TRMT11: variants seen among roughly 807,000 people sequenced by gnomAD.
TRMT11 encodes tRNA methyltransferase 11, also known as tRNA (guanine(10)-N(2))-methyltransferase TRMT11.
A neutral mutation model predicts 62.8 loss-of-function variants in TRMT11; 53 were observed. That is an observed-to-expected ratio of 0.84 (90% CI 0.68 to 1.06). The LOEUF is 1.06. TRMT11 is among the 50% of genes least tolerant of loss of function. The pLI, the probability that TRMT11 is intolerant of heterozygous loss-of-function variation, is 0.00. For missense variants in TRMT11, 556 were observed against 553.4 expected (o/e 1.00, Z -0.05); for synonymous variants, 188 against 190.3 (o/e 0.99, Z 0.10).
chr6:126,070,222 C>T (rs1281476827), intron 17 of TRMT11, among the ~76,000 whole-genome samples: 2 of 152,110 alleles, frequency 1.3e-5, no homozygotes, highest in Non-Finnish European at 2.9e-5. Flanking sequence ...TTCTGGGACT[C>T]CCATATCAGG....
At chr6:126,067,197 CTCAAA>C (rs1776718578) in intron 17 of TRMT11, among the ~76,000 whole-genome samples, 5 of 138,400 alleles carry the variant, frequency 3.6e-5, no homozygotes, top group African/African-American at 1.6e-4. Context: ...GAGACTCCTT[CTCAAA>C]AAAAAAAAAA....
rs75295551 is a variant in TRMT11 at position 126,035,130 on chromosome 6, G to A, written c.1261-3575G>A. On this transcript the variant is annotated intron_variant, in intron 12 of 12. Coordinates refer to ENST00000334379, the MANE Select transcript of TRMT11 (RefSeq NM_001031712.3). ...TGCTGCATAGAGTATAGTATATTTC[G>A]TATGGTCTGGGTATATTTTAAATGT... Among the ~76,000 whole-genome samples the A allele has an allele frequency of 6.0e-4, 91 of 151,932 alleles. 1 individual carries two copies. The East Asian group carries it at 7.3e-3, about 12-fold the overall frequency.
At chr6:126,161,530 T>G (rs1218094143) in intron 21 of TRMT11, among the ~76,000 whole-genome samples, 1 of 152,208 alleles carries the variant, frequency 6.6e-6, no homozygotes, top group Admixed American at 6.5e-5. Flanking sequence ...TGAATAGTGC[T>G]GCAATAAACA....
At chr6:126,251,246 G>T in the TRMT11 span, among the ~76,000 whole-genome samples, 1 of 151,884 alleles carries the variant, frequency 6.6e-6, no homozygotes, top group Admixed American at 6.6e-5. Flanking sequence ...GGCCAGGCTG[G>T]TCTCGAACTC....
At position 126,021,192 on chromosome 6, in the gene TRMT11, G is replaced by C; in HGVS notation, c.1172G>C (p.Cys391Ser). ...GAAGAGATGGTGCCTTGGCACCCTT[G>C]CCTGGAACTCGTTAGCAACTGCGAG... is the stretch of plus-strand genomic sequence containing the variant. Reference protein sequence around the residue: ...YTEEMVPWHPCLELVSNCEQK... With the variant: ...YTEEMVPWHPSLELVSNCEQK... The change falls in exon 12 of 13, where the codon TGC (cysteine) becomes TCC (serine). Residue 391 changes from cysteine (C) to serine (S), a missense_variant. Transcript: ENST00000334379. The C allele has an allele frequency of 6.2e-7, 1 of 1,614,098 alleles. No individual in the cohort carries two copies.
chr6:126,218,810 C>T, the TRMT11 span, among the ~76,000 whole-genome samples: 1 of 152,172 alleles, frequency 6.6e-6, no homozygotes. Context: ...GCCTATGCTG[C>T]TTTTCAAGTT....
At chr6:126,227,265 A>T in the TRMT11 span, among the ~76,000 whole-genome samples, 1 of 152,260 alleles carries the variant, frequency 6.6e-6, no homozygotes, top group Non-Finnish European at 1.5e-5. Context: ...TGGAAAAAGC[A>T]GGCAAATGTG....
At chr6:126,231,490 T>G in the TRMT11 span, among the ~76,000 whole-genome samples, 1 of 152,198 alleles carries the variant, frequency 6.6e-6, no homozygotes, top group Non-Finnish European at 1.5e-5. Flanking sequence ...TTATTGTTAT[T>G]TGGCTAAAGC....
chr6:125,997,770 A>G (rs1791787458), intron 3 of TRMT11, among the ~76,000 whole-genome samples: 1 of 152,212 alleles, frequency 6.6e-6, no homozygotes, highest in South Asian at 2.1e-4. Flanking sequence ...CGGCCTCCCA[A>G]GATGCTGGGA....
At chr6:126,203,158 G>A (rs1583908814), downstream of TRMT11, among the ~76,000 whole-genome samples, 1 of 152,292 alleles carries the variant, frequency 6.6e-6, no homozygotes. Context: ...GTCGCACAGG[G>A]CCCTGAGCTC....
intron 17 of TRMT11, among the ~76,000 whole-genome samples, chr6:126,068,248 A>G (rs1223312496): frequency 6.6e-6 from 1 of 152,152 alleles, no homozygotes; most frequent in Non-Finnish European, 1.5e-5. Context: ...TCATTTAATA[A>G]TACTGTCTGA....
chr6:126,041,968 A>G (rs1275825990), downstream of TRMT11, among the ~76,000 whole-genome samples: 1 of 152,118 alleles, frequency 6.6e-6, no homozygotes, highest in East Asian at 1.9e-4. Context: ...ACCCACTCCC[A>G]TTTTTCTCAG....
the TRMT11 span, among the ~76,000 whole-genome samples, chr6:126,215,419 C>T: frequency 6.6e-6 from 1 of 150,420 alleles, no homozygotes; most frequent in Admixed American, 6.6e-5. Context: ...GCTGAATTGA[C>T]CCCATTATCA....
At chr6:126,106,555 G>A (rs976794142) in intron 17 of TRMT11, among the ~76,000 whole-genome samples, 2 of 152,186 alleles carry the variant, frequency 1.3e-5, no homozygotes, top group Non-Finnish European at 2.9e-5. Flanking sequence ...GATAGATGTT[G>A]TATGGCAAAG....
chr6:126,171,253 T>G (rs900871577), intron 21 of TRMT11, among the ~76,000 whole-genome samples: 2 of 152,068 alleles, frequency 1.3e-5, no homozygotes, highest in African/African-American at 4.8e-5. Flanking sequence ...TCGCTTACTT[T>G]TTTTTTTTTC....
intron 1 of TRMT11, among the ~76,000 whole-genome samples, chr6:126,177,797 T>G (rs1778404662): frequency 6.6e-6 from 1 of 152,160 alleles, no homozygotes; most frequent in South Asian, 2.1e-4. Context: ...CATTAGCTGA[T>G]TTTTATATTT....
intron 17 of TRMT11, among the ~76,000 whole-genome samples, chr6:126,076,749 G>T (rs146129872): frequency 1.1e-4 from 16 of 152,116 alleles, no homozygotes; most frequent in Non-Finnish European, 2.2e-4. Context: ...CTAATGTCCT[G>T]TGTGTGTCTC....
upstream of TRMT11, among the ~76,000 whole-genome samples, chr6:126,176,852 A>G (rs1778391653): frequency 6.6e-6 from 1 of 152,188 alleles, no homozygotes; most frequent in Non-Finnish European, 1.5e-5. Flanking sequence ...AGCTTGATAT[A>G]TGAACAGTGT....
At chr6:126,144,620 A>G (rs967555437) in intron 21 of TRMT11, among the ~76,000 whole-genome samples, 2 of 152,150 alleles carry the variant, frequency 1.3e-5, no homozygotes, top group African/African-American at 4.8e-5. Flanking sequence ...ACTTTTGCCC[A>G]AACATTGTCC....
Sources: gnomAD v4.1 joint callset for allele counts (sites outside exome capture counted in the v4.1 genomes callset) on GRCh38, gnomAD v4.1.1 for gene constraint, MANE v1.5 for transcripts, NCBI Gene and HGNC (gene_info 2026-07-23, HGNC 2026-07-21) for gene names.